GRM3: variants seen among roughly 807,000 people sequenced by gnomAD.
The protein encoded by GRM3 is metabotropic glutamate receptor 3.
GRM3 carries 26 observed loss-of-function variants against 70.5 expected under a neutral mutation model. That is an observed-to-expected ratio of 0.37 (90% CI 0.27 to 0.51). GRM3 has a LOEUF of 0.51. GRM3 is among the 20% of genes least tolerant of loss of function. GRM3 has a pLI of 0.93. For synonymous variants in GRM3, 443 were observed against 434.9 expected, an observed-to-expected ratio of 1.02 and a Z score of -0.23; for missense variants, 859 against 1,123.8, an observed-to-expected ratio of 0.76 and a Z score of 3.37.
At chr7:86,696,025 G>A (rs534622602) in intron 1 of GRM3, among the ~76,000 whole-genome samples, 1 of 152,254 alleles carries the variant, frequency 6.6e-6, no homozygotes, top group East Asian at 1.9e-4. Flanking sequence ...CCTGTCAAAG[G>A]TGGCTAACCA....
intron 1 of GRM3, among the ~76,000 whole-genome samples, chr7:86,731,607 T>A (rs1795735983): frequency 6.6e-6 from 1 of 152,236 alleles, no homozygotes; most frequent in Admixed American, 6.5e-5. Flanking sequence ...TTCTTAATTT[T>A]CTTATTTAAA....
intron 1 of GRM3, among the ~76,000 whole-genome samples, chr7:86,665,153 C>A (rs73398417): frequency 0.037 from 5,612 of 151,960 alleles, 347 homozygotes; most frequent in African/African-American, 0.13. Context: ...CCGTTTTATT[C>A]CACTGTTACC....
chr7:86,826,797 A>G (rs1464809354), intron 3 of GRM3, among the ~76,000 whole-genome samples: 1 of 152,174 alleles, frequency 6.6e-6, no homozygotes, highest in African/African-American at 2.4e-5. Context: ...TGTGTCTTGC[A>G]TATTATGGGA....
intron 1 of GRM3, among the ~76,000 whole-genome samples, chr7:86,754,594 T>C (rs552909197): frequency 1.3e-5 from 2 of 152,254 alleles, no homozygotes; most frequent in African/African-American, 4.8e-5. Flanking sequence ...ATAAAAGTTA[T>C]GGGATTAAAT....
chr7:86,716,961 G>A (rs1795332396), intron 1 of GRM3, among the ~76,000 whole-genome samples: 1 of 151,880 alleles, frequency 6.6e-6, no homozygotes, highest in Admixed American at 6.6e-5. Flanking sequence ...GACTACCTGG[G>A]TTCAAACTCT....
rs146432385 is a variant in GRM3, at chr7:86,831,726, T to C, written c.1325-7113T>C. On this transcript the variant is annotated intron_variant, in intron 3 of 5. Transcript: ENST00000361669. The stretch of plus-strand genomic sequence containing the variant: ...ATAGAAAAACCAGTAAAATTTATAA[T>C]GAAGACTAACCATGGTAACATTTCA... Among the ~76,000 whole-genome samples the C allele has an allele frequency of 5.6e-3, 785 of 140,722 alleles. 2 individuals are homozygous for C. Among genetic ancestry groups the C allele is most frequent in the African/African-American group, 0.02 (729 of 37,224 alleles). The allele number at this position is 140,722 out of a possible 152,430, so 92.3% of individuals were successfully genotyped here. A position where few individuals can be genotyped will look rare whatever the true frequency, so the allele number is the denominator to read the frequency against.
chr7:86,699,220 C>A (rs992120446), intron 1 of GRM3, among the ~76,000 whole-genome samples: 3 of 151,890 alleles, frequency 2.0e-5, no homozygotes, highest in Non-Finnish European at 2.9e-5. Flanking sequence ...AAAATAAATT[C>A]TCTCAATTTA....
chr7:86,787,985 T>C (rs1019581276), intron 3 of GRM3, among the ~76,000 whole-genome samples: 1 of 152,250 alleles, frequency 6.6e-6, no homozygotes, highest in Non-Finnish European at 1.5e-5. Context: ...AAGGCACTTG[T>C]TCTGGGTAGT....
chr7:86,667,662 AG>A (rs1280703002), intron 1 of GRM3, among the ~76,000 whole-genome samples: 2 of 152,192 alleles, frequency 1.3e-5, no homozygotes, highest in African/African-American at 4.8e-5. Flanking sequence ...AGAGCATAAT[AG>A]GGCTAACAAT....
chr7:86,741,502 A>G (rs1381497944), intron 1 of GRM3, among the ~76,000 whole-genome samples: 1 of 152,236 alleles, frequency 6.6e-6, no homozygotes, highest in Non-Finnish European at 1.5e-5. Context: ...AGTCAACTAT[A>G]TTGGGTTATC....
intron 4 of GRM3, among the ~76,000 whole-genome samples, chr7:86,845,427 C>A (rs1252045772): frequency 6.6e-6 from 1 of 152,070 alleles, no homozygotes; most frequent in Non-Finnish European, 1.5e-5. Flanking sequence ...TTTGATGCCT[C>A]CTTAAATTTG....
At chr7:86,692,719 T>G (rs748791968) in intron 1 of GRM3, among the ~76,000 whole-genome samples, 9 of 152,260 alleles carry the variant, frequency 5.9e-5, no homozygotes, top group Non-Finnish European at 8.8e-5. Context: ...TAACAGTGCC[T>G]GGTACATACT....
intron 1 of GRM3, among the ~76,000 whole-genome samples, chr7:86,708,775 T>A (rs1442893856): frequency 6.6e-6 from 1 of 152,104 alleles, no homozygotes; most frequent in East Asian, 1.9e-4. Context: ...AGAGCCCTCC[T>A]GACCAGAACA....
At chr7:86,696,648 T>C (rs1171346411) in intron 1 of GRM3, among the ~76,000 whole-genome samples, 2 of 152,100 alleles carry the variant, frequency 1.3e-5, no homozygotes, top group African/African-American at 2.4e-5. Context: ...TCATCTGTTT[T>C]ATAAAGGTGA....
chr7:86,756,378 C>A (rs1456859142), intron 1 of GRM3, among the ~76,000 whole-genome samples: 2 of 152,194 alleles, frequency 1.3e-5, no homozygotes, highest in South Asian at 2.1e-4. Flanking sequence ...GGTGCCTGGC[C>A]CTCCTCTAGC....
At chr7:86,813,310 T>C in intron 3 of GRM3, among the ~76,000 whole-genome samples, 1 of 151,730 alleles carries the variant, frequency 6.6e-6, no homozygotes, top group African/African-American at 2.4e-5. Flanking sequence ...TTTTCCAGCT[T>C]CATGGGTCTT....
chr7:86,810,424 T>A (rs17676277), intron 3 of GRM3, among the ~76,000 whole-genome samples: 23,084 of 151,890 alleles, frequency 0.15, 2,085 homozygotes, highest in Non-Finnish European at 0.22. Context: ...TGAAAAAAAA[T>A]GTTGATATAC....
At chr7:86,673,848 C>A (rs1389425559) in intron 1 of GRM3, among the ~76,000 whole-genome samples, 1 of 152,114 alleles carries the variant, frequency 6.6e-6, no homozygotes, top group Non-Finnish European at 1.5e-5. Context: ...TATAACCATA[C>A]TTAATCATTC....
chr7:86,728,065 T>G (rs376976406), intron 1 of GRM3, among the ~76,000 whole-genome samples: 2 of 152,222 alleles, frequency 1.3e-5, no homozygotes, highest in East Asian at 3.8e-4. Context: ...CAATTTATAT[T>G]GGCTCAAAAA....
Sources: allele counts gnomAD v4.1 joint callset (sites outside exome capture counted in the v4.1 genomes callset), GRCh38; gene constraint gnomAD v4.1.1; transcripts MANE v1.5; gene names NCBI Gene and HGNC (gene_info 2026-07-23, HGNC 2026-07-21).